Variants in RNF121 observed in about 807,000 individuals in gnomAD.
RNF121 encodes ring finger protein 121.
A neutral mutation model predicts 46.5 loss-of-function variants in RNF121; 21 were observed. The ratio of observed to expected loss-of-function variants is 0.45; its 90% CI spans 0.32 to 0.65. RNF121 has a LOEUF of 0.65. Among genes scored for constraint, RNF121 ranks in the 30% least tolerant of loss-of-function variants. RNF121 has a pLI of 0.04. For missense variants in RNF121, 346 were observed against 416.0 expected (o/e 0.83, Z 1.46); for synonymous variants, 139 against 144.7 (o/e 0.96, Z 0.28).
At chr11:71,995,835 G>C (rs1042702509) in intron 8 of RNF121, among the ~76,000 whole-genome samples, 2 of 152,192 alleles carry the variant, frequency 1.3e-5, no homozygotes, top group African/African-American at 2.4e-5. Context: ...TTCCTTCTTA[G>C]AGAAGGTGTT....
At chr11:71,957,331 T>C (rs899771991) in intron 2 of RNF121, 67 bp downstream of exon 2, 4 of 1,041,176 alleles carry the variant, frequency 3.8e-6, no homozygotes, top group Non-Finnish European at 4.6e-6. Context: ...TTGAGTGATA[T>C]GTCTACCCAT....
At chr11:71,942,787 T>TAG (rs58101667) in intron 1 of RNF121, among the ~76,000 whole-genome samples, 119,289 of 144,880 alleles carry the variant, frequency 0.82, 49,178 homozygotes, top group Non-Finnish European at 0.91. Flanking sequence ...TATATATATA[T>TAG]ATAGATATAT....
chr11:71,978,604 C>T (rs999440468), intron 3 of RNF121, among the ~76,000 whole-genome samples: 7 of 152,114 alleles, frequency 4.6e-5, no homozygotes, highest in African/African-American at 7.2e-5. Context: ...ATTTACTGAG[C>T]GCTTATTATG....
intron 1 of RNF121, among the ~76,000 whole-genome samples, chr11:71,932,240 C>G (rs1313613869): frequency 2.0e-5 from 3 of 152,198 alleles, no homozygotes; most frequent in African/African-American, 7.2e-5. Context: ...TGTTTAAAAC[C>G]CTTTACCTGC....
chr11:71,988,245 G>A (rs1353156366), intron 5 of RNF121, among the ~76,000 whole-genome samples: 1 of 152,176 alleles, frequency 6.6e-6, no homozygotes, highest in African/African-American at 2.4e-5. Flanking sequence ...AATTGAGTCA[G>A]ATGCCAAGAA....
intron 1 of RNF121, among the ~76,000 whole-genome samples, chr11:71,952,165 A>T (rs375507970): frequency 7.4e-4 from 112 of 152,364 alleles, no homozygotes; most frequent in African/African-American, 2.5e-3. Flanking sequence ...AGTACATGCT[A>T]CAAAGTGGAT....
intron 3 of RNF121, among the ~76,000 whole-genome samples, chr11:71,979,629 G>T (rs1314571939): frequency 1.3e-5 from 2 of 152,142 alleles, no homozygotes; most frequent in Non-Finnish European, 2.9e-5. Context: ...TAGAATCCAG[G>T]ATCTCTGCTT....
At position 71,996,073 on chromosome 11, in the gene RNF121, C is replaced by T. The variant is rs561536551; in HGVS notation, c.864-122C>T. 1.9e-5 allele frequency: 24 copies of T among 1,244,050 alleles called. No individual in the cohort carries two copies. In the African/African-American group the frequency reaches 3.2e-4, roughly 16 times the overall value. 77.1% of individuals were successfully genotyped at this position (1,244,050 alleles called of 1,614,324 possible). ...AGGCTGGGCCCTTCCAGAAAGCAGCCTCCATTCCTCTAGGCTGTGGAGCAG... is the reference window on the plus strand; with the variant it reads ...AGGCTGGGCCCTTCCAGAAAGCAGCTTCCATTCCTCTAGGCTGTGGAGCAG... On this transcript the variant is annotated intron_variant, in intron 8 of 8. Coordinates refer to ENST00000361756, the MANE Select transcript of RNF121 (RefSeq NM_018320.5).
In RNF121 at chr11:71,929,163, G is replaced by T. The variant is rs1010799988; in HGVS notation, c.63+39G>T. 3.9e-6 allele frequency: 6 copies of T among 1,542,474 alleles called. No individual in the cohort carries two copies. In the Admixed American group the frequency reaches 1.2e-4, roughly 31 times the overall value. ...AGAGACGAGGAGAGACTCAACCTGA[G>T]ACTGAGGGGAGGGGCAGTGAGGTAT... On this transcript the variant is annotated intron_variant, in intron 1 of 8. Coordinates refer to ENST00000361756, the MANE Select transcript of RNF121 (RefSeq NM_018320.5).
At chr11:71,990,784 T>A in intron 6 of RNF121, 67 bp downstream of exon 6, 1 of 1,584,598 alleles carries the variant, frequency 6.3e-7, no homozygotes, top group Admixed American at 1.8e-5. Context: ...TGATGTCACT[T>A]GTTTAATGGA....
Position 71,990,721 on chromosome 11 carries a change from A to G in RNF121, c.627+4A>G. ...CTACATGGCATCTACCATAGGGGTA[A>G]GTTCATCCGGGTTCTTAAATACTGC... is the stretch of plus-strand genomic sequence containing the variant. On this transcript the variant is annotated splice_donor_region_variant and intron_variant, in intron 6 of 8. Coordinates refer to ENST00000361756, the MANE Select transcript of RNF121 (RefSeq NM_018320.5). 1.2e-6 allele frequency: 2 copies of G among 1,613,306 alleles called. No individual in the cohort carries two copies. The highest frequency in any genetic ancestry group is 1.7e-6 in the Non-Finnish European group (2 of 1,179,810).
intron 2 of RNF121, among the ~76,000 whole-genome samples, chr11:71,958,315 G>A (rs562733790): frequency 2.6e-4 from 40 of 152,180 alleles, no homozygotes; most frequent in Non-Finnish European, 2.2e-4. Flanking sequence ...GAAAATAGTG[G>A]TAGGAACAGG....
At chr11:71,990,869 A>G in intron 6 of RNF121, 152 bp downstream of exon 6, 1 of 898,594 alleles carries the variant, frequency 1.1e-6, no homozygotes, top group Non-Finnish European at 1.7e-6. Context: ...TTCCTTCCTT[A>G]AAGTTTGGAA....
intron 3 of RNF121, among the ~76,000 whole-genome samples, chr11:71,975,338 T>C (rs989464703): frequency 6.6e-6 from 1 of 152,220 alleles, no homozygotes; most frequent in Non-Finnish European, 1.5e-5. Context: ...TCTACCTCTT[T>C]AGGCTCATTT....
At chr11:71,988,695 A>T (rs1251283056) in intron 5 of RNF121, among the ~76,000 whole-genome samples, 1 of 151,766 alleles carries the variant, frequency 6.6e-6, no homozygotes, top group African/African-American at 2.4e-5. Flanking sequence ...AGCAGTGTGC[A>T]CCTGTATCCC....
chr11:71,982,088 G>C (rs1954671446), intron 3 of RNF121, among the ~76,000 whole-genome samples: 1 of 152,286 alleles, frequency 6.6e-6, no homozygotes, highest in South Asian at 2.1e-4. Flanking sequence ...GGCCTGGGGA[G>C]TGGTAGATGG....
intron 1 of RNF121, among the ~76,000 whole-genome samples, chr11:71,940,360 G>A (rs1248915499): frequency 1.3e-5 from 2 of 152,176 alleles, no homozygotes; most frequent in South Asian, 2.1e-4. Context: ...ACAAAGTACT[G>A]TAGGGGAAGT....
chr11:71,969,107 G>A lies in RNF121; in HGVS notation c.243+8216G>A, dbSNP rs527255189. On this transcript the variant is annotated intron_variant, in intron 3 of 8. Coordinates refer to ENST00000361756, the MANE Select transcript of RNF121 (RefSeq NM_018320.5). ...TCACCATGTTGGTCAGGCTGGTCTC[G>A]AACTCCTGACCTCAGGTGATCCACC... Among the ~76,000 whole-genome samples, 6 of 151,848 alleles carry A rather than the reference G, an allele frequency of 4.0e-5. No homozygotes were observed. The South Asian group carries it at 8.3e-4, about 21-fold the overall frequency.
At chr11:71,931,581 A>G (rs78971578) in intron 1 of RNF121, among the ~76,000 whole-genome samples, 80 of 152,322 alleles carry the variant, frequency 5.3e-4, no homozygotes, top group African/African-American at 1.9e-3. Context: ...ACTGTGTGTT[A>G]TGCACTGATA....
Sources: allele counts gnomAD v4.1 joint callset (sites outside exome capture counted in the v4.1 genomes callset), GRCh38; gene constraint gnomAD v4.1.1; transcripts MANE v1.5; gene names NCBI Gene and HGNC (gene_info 2026-07-23, HGNC 2026-07-21).